Variants in CDH12 observed in about 807,000 individuals in gnomAD.
CDH12 encodes the protein cadherin-12.
Under a neutral mutation model 74.1 loss-of-function variants are expected in CDH12, and 41 were observed. The observed-to-expected ratio is 0.55, with a 90% CI of 0.43 to 0.72. The LOEUF is 0.72. CDH12 is among the 30% of genes least tolerant of loss of function. The probability of loss-of-function intolerance (pLI) is 0.00; values close to 1 mark genes in which losing one functional copy is unlikely to be tolerated. For synonymous variants in CDH12, 399 were observed against 355.0 expected (o/e 1.12, Z -1.39); for missense variants, 945 against 977.2 (o/e 0.97, Z 0.44).
chr5:22,138,845 A>AT lies in CDH12; in HGVS notation c.-186-59984_-186-59983insA, dbSNP rs1746612743. ...AATATATATGTGTACATATATACGT[A>AT]ATATATATATATATATATATATATA... is the stretch of plus-strand genomic sequence containing the variant. On this transcript the variant is annotated intron_variant, in intron 4 of 14. Coordinates refer to ENST00000382254, the MANE Select transcript of CDH12 (RefSeq NM_004061.5). 1.8e-3 allele frequency among the ~76,000 whole-genome samples: 136 copies of AT among 76,578 alleles called. 2 individuals carry two copies. The highest frequency in any genetic ancestry group is 4.8e-3 in the African/African-American group (109 of 22,608). The allele number at this position is 76,578 out of a possible 152,430, so 50.2% of individuals were successfully genotyped here.
intron 6 of CDH12, among the ~76,000 whole-genome samples, chr5:21,925,988 A>G (rs1754568297): frequency 6.6e-6 from 1 of 152,160 alleles, no homozygotes; most frequent in African/African-American, 2.4e-5. Flanking sequence ...GAGGATCTGA[A>G]GAAGTTTTAA....
intron 1 of CDH12, among the ~76,000 whole-genome samples, chr5:22,513,587 A>T (rs978534604): frequency 6.6e-6 from 1 of 152,186 alleles, no homozygotes; most frequent in Non-Finnish European, 1.5e-5. Context: ...CTATCTTTGT[A>T]TTCAAAATAC....
chr5:22,654,912 T>A (rs1739955336), intron 1 of CDH12, among the ~76,000 whole-genome samples: 1 of 152,208 alleles, frequency 6.6e-6, no homozygotes, highest in Admixed American at 6.5e-5. Context: ...AATACAGGCA[T>A]GAGCCACTGT....
intron 5 of CDH12, among the ~76,000 whole-genome samples, chr5:22,027,549 G>A (rs1738453160): frequency 6.6e-6 from 1 of 152,160 alleles, no homozygotes; most frequent in Admixed American, 6.5e-5. Flanking sequence ...TTGGGAGGGT[G>A]TATGAGTCGA....
intron 1 of CDH12, among the ~76,000 whole-genome samples, chr5:22,679,226 A>G (rs1458080738): frequency 6.6e-6 from 1 of 152,200 alleles, no homozygotes; most frequent in East Asian, 1.9e-4. Flanking sequence ...TTAGAAGACA[A>G]TAAGTATACT....
intron 6 of CDH12, among the ~76,000 whole-genome samples, chr5:21,954,395 C>A (rs967417306): frequency 6.6e-6 from 1 of 151,886 alleles, no homozygotes; most frequent in Non-Finnish European, 1.5e-5. Context: ...TGCACACACA[C>A]TTGCATGTGA....
chr5:22,253,772 C>T (rs886663800), intron 3 of CDH12, among the ~76,000 whole-genome samples: 3 of 151,748 alleles, frequency 2.0e-5, no homozygotes, highest in African/African-American at 7.3e-5. Flanking sequence ...CTTCCTACTC[C>T]TCCTCTTTTT....
chr5:22,321,581 A>C (rs1276453950), intron 3 of CDH12, among the ~76,000 whole-genome samples: 2 of 149,920 alleles, frequency 1.3e-5, no homozygotes, highest in African/African-American at 4.9e-5. Flanking sequence ...CCAGCACGGC[A>C]CATGTATACA....
At chr5:22,037,068 CAT>C (rs913758954) in intron 5 of CDH12, among the ~76,000 whole-genome samples, 69 of 152,222 alleles carry the variant, frequency 4.5e-4, no homozygotes, top group African/African-American at 1.5e-3. Flanking sequence ...ATTAGAAAAA[CAT>C]GAATAAATCA....
At chr5:22,490,636 C>T (rs1229004830) in intron 2 of CDH12, among the ~76,000 whole-genome samples, 1 of 151,882 alleles carries the variant, frequency 6.6e-6, no homozygotes, top group South Asian at 2.1e-4. Flanking sequence ...GATTACTGAT[C>T]TTTAATCAGT....
At chr5:21,842,568 C>G (rs1749932579) in intron 7 of CDH12, among the ~76,000 whole-genome samples, 1 of 151,982 alleles carries the variant, frequency 6.6e-6, no homozygotes, top group African/African-American at 2.4e-5. Context: ...GGTTAAAGAA[C>G]AATGTATCAC....
rs1365052831 is a variant in CDH12 at position 22,483,765 on chromosome 5, A to ATATATATATATATATATATATATAT, written c.-428+21504_-428+21505insATATATATATATATATATATATATA. Among the ~76,000 whole-genome samples, 23 of 22,132 alleles carry ATATATATATATATATATATATATAT rather than the reference A, an allele frequency of 1.0e-3. 2 individuals carry two copies. Among genetic ancestry groups the ATATATATATATATATATATATATAT allele is most frequent in the Admixed American group, 2.4e-3 (3 of 1,270 alleles). The allele number at this position is 22,132 out of a possible 152,430, so 14.5% of individuals were successfully genotyped here. A position where few individuals can be genotyped will look rare whatever the true frequency, so the allele number is the denominator to read the frequency against. ...TTTCAAAACTATATATATATATATA[A>ATATATATATATATATATATATATAT]ATTTAATTAATTGGGCATGGTGGCA... On this transcript the variant is annotated intron_variant, in intron 2 of 14. Coordinates refer to ENST00000382254, the MANE Select transcript of CDH12 (RefSeq NM_004061.5).
rs1314198058 is a variant in CDH12, at chr5:21,880,564, C to CTTCT, written c.527-25778_527-25775dup. 2.0e-3 allele frequency among the ~76,000 whole-genome samples: 29 copies of CTTCT among 14,522 alleles called. 2 individuals are homozygous for CTTCT. Among genetic ancestry groups the CTTCT allele is most frequent in the African/African-American group, 3.4e-3 (29 of 8,410 alleles). 9.5% of individuals were successfully genotyped at this position (14,522 alleles called of 152,430 possible). ...CTTCCTTCCTTCCTTCCTTCCTTCC[C>CTTCT]TTCTTTCTTTCCTTCCTTCCTTCCT... On this transcript the variant is annotated intron_variant, in intron 6 of 14. Coordinates refer to ENST00000382254, the MANE Select transcript of CDH12 (RefSeq NM_004061.5).
At chr5:22,529,210 G>A (rs996569933) in intron 1 of CDH12, among the ~76,000 whole-genome samples, 2 of 141,850 alleles carry the variant, frequency 1.4e-5, no homozygotes, top group Non-Finnish European at 3.1e-5. Flanking sequence ...GAGAGAGAGA[G>A]AGAGAGAGAG....
chr5:22,170,352 T>TTTTCACA (rs1748947407), intron 4 of CDH12, among the ~76,000 whole-genome samples: 1 of 151,916 alleles, frequency 6.6e-6, no homozygotes. Context: ...TTCAACTGAC[T>TTTTCACA]TTTCACATTT....
chr5:22,039,584 C>T (rs1353117502), intron 5 of CDH12, among the ~76,000 whole-genome samples: 1 of 152,062 alleles, frequency 6.6e-6, no homozygotes, highest in Non-Finnish European at 1.5e-5. Context: ...CTAAATATTC[C>T]CATTTTGGAT....
chr5:22,811,725 T>A (rs1485753544), intron 1 of CDH12, among the ~76,000 whole-genome samples: 1 of 152,124 alleles, frequency 6.6e-6, no homozygotes, highest in Non-Finnish European at 1.5e-5. Context: ...CTGGGGCTAG[T>A]AAAAGCAGGA....
intron 1 of CDH12, among the ~76,000 whole-genome samples, chr5:22,700,491 T>G (rs1742660468): frequency 6.6e-6 from 1 of 152,236 alleles, no homozygotes; most frequent in Non-Finnish European, 1.5e-5. Context: ...CTCCAAACCT[T>G]GTTATGTTAT....
intron 3 of CDH12, among the ~76,000 whole-genome samples, chr5:22,220,829 A>T (rs1177781451): frequency 2.6e-5 from 4 of 151,814 alleles, no homozygotes; most frequent in Admixed American, 2.6e-4. Context: ...ATAGTGCAGT[A>T]CCAATGCCTT....
Sources: gnomAD v4.1 joint callset for allele counts (sites outside exome capture counted in the v4.1 genomes callset) on GRCh38, gnomAD v4.1.1 for gene constraint, MANE v1.5 for transcripts, NCBI Gene and HGNC (gene_info 2026-07-23, HGNC 2026-07-21) for gene names.